The following PLEKHG6 variants were observed in gnomAD, a reference collection of about 807,000 sequenced individuals.
The protein encoded by PLEKHG6 is pleckstrin homology and RhoGEF domain containing G6.
PLEKHG6 carries 91 observed loss-of-function variants against 97.5 expected under a neutral mutation model. The ratio of observed to expected loss-of-function variants is 0.93; its 90% CI spans 0.79 to 1.11. PLEKHG6 has a LOEUF of 1.11. Among genes scored for constraint, PLEKHG6 ranks in the 50% most tolerant of loss-of-function variants. PLEKHG6 has a pLI of 0.00. For missense variants in PLEKHG6, 1,044 were observed against 1,031.0 expected (o/e 1.01, Z -0.17); for synonymous variants, 466 against 425.5 (o/e 1.10, Z -1.17).
At chr12:6,320,574 T>C (rs1476865276) in intron 13 of PLEKHG6, among the ~76,000 whole-genome samples, 1 of 152,178 alleles carries the variant, frequency 6.6e-6, no homozygotes, top group Non-Finnish European at 1.5e-5. Flanking sequence ...TCCCCCTCCT[T>C]TCTCTTACAA....
rs1199642248 is a variant in PLEKHG6, at chr12:6,315,800, TG to T, written c.556-63del. The stretch of plus-strand genomic sequence containing the variant: ...GATAGGTCAGCAGTACTGAAGTTGG[TG>T]GGGGGTGGGAGGTGACGACACTGAA... On this transcript the variant is annotated intron_variant, in intron 5 of 15. Coordinates refer to ENST00000684764, the MANE Select transcript of PLEKHG6 (RefSeq NM_001384598.1). The surrounding 1 kb of genome is among the most constrained non-coding windows in gnomAD (Gnocchi z 4.5). 8.7e-6 allele frequency: 12 copies of T among 1,380,690 alleles called. No individual in the cohort carries two copies. The highest frequency in any genetic ancestry group is 4.1e-5 in the Admixed American group (2 of 48,324). 85.5% of individuals were successfully genotyped at this position (1,380,690 alleles called of 1,614,324 possible). A position where few individuals can be genotyped will look rare whatever the true frequency, so the allele number is the denominator to read the frequency against.
At position 6,327,740 on chromosome 12, in the gene PLEKHG6, G is replaced by T. The variant is rs1347678225; in HGVS notation, c.2157G>T (p.Gly719=). 6.5e-7 allele frequency: 1 copy of T among 1,550,180 alleles called. No individual in the cohort carries two copies. The highest frequency in any genetic ancestry group is 8.7e-7 in the Non-Finnish European group (1 of 1,151,640). The change falls in exon 15 of 16, where the codon GGG becomes GGT. Residue 719 remains glycine, a synonymous_variant. Coordinates refer to ENST00000684764, the MANE Select transcript of PLEKHG6 (RefSeq NM_001384598.1). ...WESSGEEEEE[G]PLFLKAGHTS... The stretch of plus-strand genomic sequence containing the variant: ...CCTCAGGGGAGGAGGAAGAAGAGGG[G>T]CCTCTGTTCCTGAAAGCTGGCCACA...
chr12:6,325,280 A>C (rs1341738066), intron 13 of PLEKHG6, among the ~76,000 whole-genome samples: 1 of 152,078 alleles, frequency 6.6e-6, no homozygotes, highest in Non-Finnish European at 1.5e-5. Flanking sequence ...TCAAAGAGCA[A>C]GGCCCTGTCC....
chr12:6,317,796 G>A, intron 9 of PLEKHG6, 61 bp from the exon 10 acceptor site: 1 of 1,545,368 alleles, frequency 6.5e-7, no homozygotes, highest in Non-Finnish European at 8.7e-7. Flanking sequence ...TGCTGTGGCT[G>A]GCATTGGTTG....
rs915752529 is a variant in PLEKHG6, at chr12:6,315,798, G to T, written c.556-71G>T. On this transcript the variant is annotated intron_variant, in intron 5 of 15. Coordinates refer to ENST00000684764, the MANE Select transcript of PLEKHG6 (RefSeq NM_001384598.1). The surrounding 1 kb of genome is among the most constrained non-coding windows in gnomAD (Gnocchi z 4.5). ...GAGATAGGTCAGCAGTACTGAAGTT[G>T]GTGGGGGGTGGGAGGTGACGACACT... 7.3e-7 allele frequency: 1 copy of T among 1,369,992 alleles called. No individual in the cohort carries two copies. Among genetic ancestry groups the T allele is most frequent in the Non-Finnish European group, 1.0e-6 (1 of 992,100 alleles). The allele number at this position is 1,369,992 out of a possible 1,614,324, so 84.9% of individuals were successfully genotyped here. A position where few individuals can be genotyped will look rare whatever the true frequency, so the allele number is the denominator to read the frequency against.
At chr12:6,317,502 G>A in intron 8 of PLEKHG6, 45 bp from the exon 9 acceptor site, 1 of 1,612,314 alleles carries the variant, frequency 6.2e-7, no homozygotes, top group Non-Finnish European at 8.5e-7. Context: ...CCACTAGGCA[G>A]GGCAGGAGGG....
At chr12:6,323,026 G>C (rs1947751902) in intron 13 of PLEKHG6, among the ~76,000 whole-genome samples, 1 of 152,230 alleles carries the variant, frequency 6.6e-6, no homozygotes, top group Admixed American at 6.5e-5. Context: ...TGAATGGCAG[G>C]CTGCCTTTTT....
At chr12:6,319,346 G>A in intron 13 of PLEKHG6, 1 of 632,376 alleles carries the variant, frequency 1.6e-6, no homozygotes, top group South Asian at 2.1e-5. Context: ...TACTTGGGAG[G>A]CTGAGGCAGG....
chr12:6,315,245 A>G lies in PLEKHG6; in HGVS notation c.459+76A>G. On this transcript the variant is annotated intron_variant, in intron 4 of 15. Transcript: ENST00000684764. This position sits in a 1 kb window ranked among gnomAD's most constrained non-coding sequence, Gnocchi z 4.5. Reference sequence around the variant, plus strand: ...CACAGATTCTGCTCTAGAGGAGGGAAAGGCCTTGGGAAGTGGGGTCATGTG... The same window carrying G: ...CACAGATTCTGCTCTAGAGGAGGGAGAGGCCTTGGGAAGTGGGGTCATGTG... 1.4e-6 allele frequency: 2 copies of G among 1,427,502 alleles called. No individual in the cohort carries two copies. The highest frequency in any genetic ancestry group is 2.6e-5 in the South Asian group (2 of 77,144). 88.4% of individuals were successfully genotyped at this position (1,427,502 alleles called of 1,614,324 possible).
chr12:6,316,732 G>A lies in PLEKHG6; in HGVS notation c.756+328G>A, dbSNP rs1947474098. Among the ~76,000 whole-genome samples, 3 of 152,206 alleles carry A rather than the reference G, an allele frequency of 2.0e-5. No individual in the cohort carries two copies. The highest frequency in any genetic ancestry group is 1.9e-4 in the East Asian group (1 of 5,182). ...GACCCTTAGGAGGACCTGGGTGGGT[G>A]TAAAAGGCCACAGGAGGCACCCGGG... On this transcript the variant is annotated intron_variant, in intron 7 of 15. Transcript: ENST00000684764. The surrounding 1 kb of genome is among the most constrained non-coding windows in gnomAD (Gnocchi z 4.1).
intron 8 of PLEKHG6, 34 bp downstream of exon 8, chr12:6,317,447 G>A: frequency 6.2e-7 from 1 of 1,606,906 alleles, no homozygotes; most frequent in South Asian, 1.1e-5. Context: ...GGGGACGGGT[G>A]CATCTTAGCC....
chr12:6,317,528 C>T lies in PLEKHG6; in HGVS notation c.868-19C>T, dbSNP rs772953315. The T allele has an allele frequency of 6.2e-7, 1 of 1,612,684 alleles. No homozygotes were observed. The highest frequency in any genetic ancestry group is 8.5e-7 in the Non-Finnish European group (1 of 1,179,422). On this transcript the variant is annotated intron_variant, in intron 8 of 15. Coordinates refer to ENST00000684764, the MANE Select transcript of PLEKHG6 (RefSeq NM_001384598.1). ...GGCAGGAGGGAGCAAACCCTGAGCCCCACCCACCTTCCCTGCAGTGGTGTG... is the reference window on the plus strand; with the variant it reads ...GGCAGGAGGGAGCAAACCCTGAGCCTCACCCACCTTCCCTGCAGTGGTGTG...
At chr12:6,324,331 G>A (rs944955473) in intron 13 of PLEKHG6, among the ~76,000 whole-genome samples, 2 of 150,436 alleles carry the variant, frequency 1.3e-5, no homozygotes, top group Non-Finnish European at 3.0e-5. Context: ...TCCTGGGGTC[G>A]GGCAAGGGGC....
At chr12:6,324,887 T>C (rs1178096243) in intron 13 of PLEKHG6, among the ~76,000 whole-genome samples, 2 of 152,088 alleles carry the variant, frequency 1.3e-5, no homozygotes, top group Non-Finnish European at 2.9e-5. Context: ...TAACAATTAG[T>C]ATAGCATGGG....
intron 13 of PLEKHG6, chr12:6,319,504 G>A (rs1040218100): frequency 1.0e-5 from 15 of 1,484,568 alleles, no homozygotes; most frequent in African/African-American, 4.3e-5. Context: ...ACATGGGAGC[G>A]CAGAGGGGAG....
rs768574904 is a variant in PLEKHG6, at chr12:6,327,427, G to A, written c.1844G>A (p.Arg615Gln). The A allele has an allele frequency of 1.1e-5, 17 of 1,613,850 alleles. No homozygotes were observed. Among genetic ancestry groups the A allele is most frequent in the Admixed American group, 5.0e-5 (3 of 59,978 alleles). The change falls in exon 15 of 16, where the codon CGG becomes CAG. Residue 615 changes from arginine to glutamine, a missense_variant. Physicochemically the swap from Arg to Gln is conservative, Grantham distance 43. Coordinates refer to ENST00000684764, the MANE Select transcript of PLEKHG6 (RefSeq NM_001384598.1). ...CGTCTACGCCAAAGAGCCCTTCGGC[G>A]GGACCCTCGCCTCACCTTCTCCACC... ...LSRLRQRALR[R>Q]DPRLTFSTLE...
intron 11 of PLEKHG6, 50 bp downstream of exon 11, chr12:6,318,470 G>A (rs1947570683): frequency 1.3e-6 from 2 of 1,552,048 alleles, no homozygotes; most frequent in South Asian, 1.2e-5. Context: ...GTGGGAGAAG[G>A]TAAGAGGCAG....
intron 1 of PLEKHG6, among the ~76,000 whole-genome samples, chr12:6,311,254 G>GC: frequency 6.6e-6 from 1 of 152,298 alleles, no homozygotes; most frequent in South Asian, 2.1e-4. Flanking sequence ...GAGGGATGGA[G>GC]CCCCACGCCT....
chr12:6,310,503 G>T (rs1051948804), upstream of PLEKHG6: 5 of 152,520 alleles, frequency 3.3e-5, no homozygotes, highest in African/African-American at 9.6e-5. Flanking sequence ...CGGCCGGCGG[G>T]TGTCGAGTTC....
Sources: allele counts gnomAD v4.1 joint callset (sites outside exome capture counted in the v4.1 genomes callset), GRCh38; gene constraint gnomAD v4.1.1; non-coding constraint Gnocchi (gnomAD v3.1); transcripts MANE v1.5; gene names NCBI Gene and HGNC (gene_info 2026-07-23, HGNC 2026-07-21).